Variants in NBPF10 observed in about 807,000 individuals in gnomAD.
The protein encoded by NBPF10 is NBPF member 10.
In NBPF10, 63 loss-of-function variants were observed where a neutral mutation model predicts 77.9. That is an observed-to-expected ratio of 0.81 (90% CI 0.66 to 1.00). NBPF10 has a LOEUF of 1.00. Ranked by LOEUF, NBPF10 falls within the 50% of genes least tolerant of loss-of-function variation. NBPF10 has a pLI of 0.00. For synonymous variants in NBPF10, 146 were observed against 264.5 expected, an observed-to-expected ratio of 0.55 and a Z score of 4.35; for missense variants, 522 against 679.8, an observed-to-expected ratio of 0.77 and a Z score of 2.58.
At position 146,142,625 on chromosome 1, in the gene NBPF10, G is replaced by T; in HGVS notation, c.278+25C>A. Reference sequence around the variant, plus strand: ...CAGAGATCTACACACCTACCCGCCTGCCTCCCCCTATGGGGTCCCCTCACC... The same window carrying T: ...CAGAGATCTACACACCTACCCGCCTTCCTCCCCCTATGGGGTCCCCTCACC... On this transcript the variant is annotated intron_variant, in intron 2 of 89. Transcript: ENST00000583866. The T allele has an allele frequency of 3.2e-6, 4 of 1,246,292 alleles. 1 individual carries two copies. The highest frequency in any genetic ancestry group is 4.5e-6 in the Non-Finnish European group (4 of 887,210). 77.2% of individuals were successfully genotyped at this position (1,246,292 alleles called of 1,614,324 possible).
exon 72 of NBPF10, chr1:146,080,761 G>C (rs781933219): frequency 4.4e-3 from 97 of 22,010 alleles, no homozygotes; most frequent in South Asian, 8.3e-3. Context: ...ACTACCTCCA[G>C]CAGCTCCCTG....
intron 11 of NBPF10, among the ~76,000 whole-genome samples, chr1:146,130,038 G>A (rs1659137162): frequency 2.8e-5 from 1 of 36,066 alleles, no homozygotes. Flanking sequence ...ATCTCCTAAT[G>A]CTACCCCTCC....
intron 88 of NBPF10, among the ~76,000 whole-genome samples, chr1:146,067,569 C>T (rs1352276432): frequency 2.7e-5 from 4 of 150,066 alleles, no homozygotes; most frequent in Admixed American, 6.7e-5. Flanking sequence ...TTCCAATCAA[C>T]GTAAAGCAAA....
intron 7 of NBPF10, among the ~76,000 whole-genome samples, chr1:146,135,995 C>T (rs1384532738): frequency 4.0e-5 from 6 of 149,382 alleles, no homozygotes; most frequent in South Asian, 2.2e-4. Context: ...AATGAGAAGC[C>T]GCAGTCAGTC....
At chr1:146,126,598 CACACA>C in intron 13 of NBPF10, among the ~76,000 whole-genome samples, 190 bp from the exon 14 acceptor site, 1 of 26,672 alleles carries the variant, frequency 3.7e-5, no homozygotes, top group Non-Finnish European at 1.4e-4. Context: ...ACGAGAAAGA[CACACA>C]CACACACACA....
At chr1:146,136,647 T>G (rs1309523835) in intron 6 of NBPF10, among the ~76,000 whole-genome samples, 192 bp from the exon 7 acceptor site, 5 of 143,264 alleles carry the variant, frequency 3.5e-5, no homozygotes, top group Admixed American at 1.4e-4. Flanking sequence ...AATTTAGAGA[T>G]GAAGAAAGAG....
At position 146,073,103 on chromosome 1, in the gene NBPF10, G is replaced by A. The variant is rs1336254700; in HGVS notation, c.10131-202C>T. 8.2e-5 allele frequency among the ~76,000 whole-genome samples: 6 copies of A among 73,432 alleles called. 2 individuals are homozygous for A. The highest frequency in any genetic ancestry group is 1.5e-4 in the Non-Finnish European group (6 of 39,978). The allele number at this position is 73,432 out of a possible 152,430, so 48.2% of individuals were successfully genotyped here. A position where few individuals can be genotyped will look rare whatever the true frequency, so the allele number is the denominator to read the frequency against. On this transcript the variant is annotated intron_variant, in intron 81 of 89. Transcript: ENST00000583866. ...TGAAAGAGAAAGACAGGGAGAGGGA[G>A]AGAGAGAGAGGGAGGAGAAAGTGAG...
At chr1:146,114,046 A>G (rs1469643376) in intron 29 of NBPF10, among the ~76,000 whole-genome samples, 7 of 20,694 alleles carry the variant, frequency 3.4e-4, no homozygotes, top group South Asian at 1.5e-3. Context: ...ACACACACAC[A>G]CACACACACA....
At chr1:146,074,759 GAA>G (rs1655991683) in intron 79 of NBPF10, 1 of 34,044 alleles carries the variant, frequency 2.9e-5, no homozygotes, top group Non-Finnish European at 4.9e-5. Context: ...CTGTGATCAT[GAA>G]AAGAGTGAGC....
chr1:146,125,669 C>T (rs1437624317), intron 14 of NBPF10, among the ~76,000 whole-genome samples, 153 bp from the exon 15 acceptor site: 4 of 128,846 alleles, frequency 3.1e-5, no homozygotes, highest in African/African-American at 1.1e-4. Flanking sequence ...GAAGGCTGAT[C>T]ACCACAGAGA....
intron 13 of NBPF10, among the ~76,000 whole-genome samples, chr1:146,126,649 C>G (rs1253815882): frequency 1.3e-4 from 17 of 135,234 alleles, no homozygotes; most frequent in African/African-American, 4.1e-4. Context: ...CGAGCTCAGT[C>G]AATTGGTCAG....
At chr1:146,125,023 C>T (rs1553789265) in intron 15 of NBPF10, among the ~76,000 whole-genome samples, 163 bp from the exon 16 acceptor site, 1 of 62,322 alleles carries the variant, frequency 1.6e-5, no homozygotes, top group African/African-American at 9.0e-5. Flanking sequence ...AGACCAGGGC[C>T]AGGTAGAAAA....
At chr1:146,127,000 T>C in intron 13 of NBPF10, 28 bp downstream of exon 13, 1 of 510,754 alleles carries the variant, frequency 2.0e-6, no homozygotes, top group Non-Finnish European at 3.4e-6. Context: ...CAACATCAAA[T>C]TAACTGTCCA....
chr1:146,136,107 G>A (rs1249950288), intron 7 of NBPF10, among the ~76,000 whole-genome samples: 2 of 150,114 alleles, frequency 1.3e-5, no homozygotes, highest in African/African-American at 4.9e-5. Flanking sequence ...TTAATTTTGT[G>A]TTATGTAAAT....
At position 146,126,235 on chromosome 1, in the gene NBPF10, C is replaced by G. The variant is rs782159435; in HGVS notation, c.2026+1G>C. 5.0e-6 allele frequency: 8 copies of G among 1,601,278 alleles called. No homozygotes were observed. In the African/African-American group the frequency reaches 6.7e-5, roughly 13 times the overall value. On this transcript the variant is annotated splice_donor_variant, in intron 14 of 89. Transcript: ENST00000583866. LOFTEE classifies it high-confidence loss of function. Reference sequence around the variant, plus strand: ...TATCACCTTCATAGAAAGGTACTCACCATCCATGTCAATAGCCAAGCCAAC... The same window carrying G: ...TATCACCTTCATAGAAAGGTACTCAGCATCCATGTCAATAGCCAAGCCAAC...
exon 3 of NBPF10, chr1:146,141,693 T>C: frequency 8.0e-7 from 1 of 1,255,492 alleles, no homozygotes; most frequent in Non-Finnish European, 1.1e-6. Context: ...CTTGTCCGGC[T>C]CATCCGGAGT....
chr1:146,139,168 C>T (rs1457211989), intron 5 of NBPF10, among the ~76,000 whole-genome samples: 4 of 144,590 alleles, frequency 2.8e-5, no homozygotes, highest in Middle Eastern at 3.6e-3. Context: ...GGCACAATCT[C>T]GGCTCACTGC....
intron 17 of NBPF10, among the ~76,000 whole-genome samples, chr1:146,123,483 C>G (rs1480593892): frequency 1.5e-4 from 10 of 66,224 alleles, no homozygotes; most frequent in African/African-American, 2.8e-4. Flanking sequence ...TAGACACACA[C>G]ACACACACAC....
chr1:146,130,911 A>AC (rs1185981073), intron 11 of NBPF10, among the ~76,000 whole-genome samples: 133 of 97,194 alleles, frequency 1.4e-3, no homozygotes, highest in African/African-American at 4.4e-3. Flanking sequence ...CCAGTTAAAA[A>AC]ACACAGAATG....
Sources: gnomAD v4.1 joint callset for allele counts (sites outside exome capture counted in the v4.1 genomes callset) on GRCh38, gnomAD v4.1.1 for gene constraint, MANE v1.5 for transcripts, NCBI Gene and HGNC (gene_info 2026-07-23, HGNC 2026-07-21) for gene names.